Variants in CA8 observed in about 807,000 individuals in gnomAD.
The protein encoded by CA8 is carbonic anhydrase 8 (inactive), also known as carbonic anhydrase-related protein.
In CA8, 22 loss-of-function variants were observed where a neutral mutation model predicts 41.4. The ratio of observed to expected loss-of-function variants is 0.53; its 90% CI spans 0.38 to 0.76. The LOEUF (loss-of-function observed/expected upper bound fraction) is 0.76, where lower values mean the gene tolerates loss of function less well. Ranked by LOEUF, CA8 falls within the 30% of genes least tolerant of loss-of-function variation. The pLI, the probability that CA8 is intolerant of heterozygous loss-of-function variation, is 0.00. For synonymous variants in CA8, 121 were observed against 130.6 expected, an observed-to-expected ratio of 0.93 and a Z score of 0.50; for missense variants, 270 against 352.8, an observed-to-expected ratio of 0.77 and a Z score of 1.88.
chr8:60,280,874 G>A (rs1804396249), intron 1 of CA8, among the ~76,000 whole-genome samples, 174 bp downstream of exon 1: 2 of 152,204 alleles, frequency 1.3e-5, no homozygotes, highest in Admixed American at 6.5e-5. Context: ...CCTCCCTGGA[G>A]CGCCTCCCGC....
intron 7 of CA8, among the ~76,000 whole-genome samples, chr8:60,219,744 C>T (rs1018484616): frequency 6.6e-6 from 1 of 152,028 alleles, no homozygotes; most frequent in Non-Finnish European, 1.5e-5. Flanking sequence ...CTGGCTGGAT[C>T]CCCAAATCCA....
chr8:60,231,752 T>C (rs1807654217), intron 4 of CA8, among the ~76,000 whole-genome samples: 1 of 152,224 alleles, frequency 6.6e-6, no homozygotes, highest in Admixed American at 6.5e-5. Flanking sequence ...TGGGTAAATT[T>C]ATATACTCTT....
chr8:60,239,725 G>T (rs987901993), intron 3 of CA8, among the ~76,000 whole-genome samples: 9 of 152,164 alleles, frequency 5.9e-5, no homozygotes, highest in Non-Finnish European at 1.2e-4. Flanking sequence ...CTCACTTGTT[G>T]TGGGAGGGAT....
intron 8 of CA8, among the ~76,000 whole-genome samples, chr8:60,193,165 C>T (rs910851172): frequency 2.0e-5 from 3 of 151,974 alleles, no homozygotes; most frequent in Non-Finnish European, 2.9e-5. Flanking sequence ...TGATAAATAC[C>T]TTGGGTTTTT....
intron 1 of CA8, among the ~76,000 whole-genome samples, chr8:60,280,127 CATA>C (rs920893994): frequency 2.0e-5 from 3 of 152,048 alleles, no homozygotes; most frequent in African/African-American, 4.8e-5. Context: ...TCAACAAAGA[CATA>C]ATAATTTATG....
At chr8:60,202,541 CTCAAGT>C (rs1806465375) in intron 8 of CA8, among the ~76,000 whole-genome samples, 1 of 152,170 alleles carries the variant, frequency 6.6e-6, no homozygotes, top group Non-Finnish European at 1.5e-5. Context: ...TAGCCTTTAA[CTCAAGT>C]ATAAAATTTA....
chr8:60,191,163 T>A (rs1366702614), intron 8 of CA8, among the ~76,000 whole-genome samples: 1 of 151,926 alleles, frequency 6.6e-6, no homozygotes, highest in Non-Finnish European at 1.5e-5. Context: ...AATTTTTTAA[T>A]CTTTTTAAAT....
intron 3 of CA8, among the ~76,000 whole-genome samples, chr8:60,249,320 G>A (rs1808359985): frequency 6.6e-6 from 1 of 152,136 alleles, no homozygotes; most frequent in African/African-American, 2.4e-5. Context: ...ACCGACAGTG[G>A]CACCACCCTT....
At chr8:60,271,819 A>G (rs1210669749) in intron 2 of CA8, among the ~76,000 whole-genome samples, 1 of 152,194 alleles carries the variant, frequency 6.6e-6, no homozygotes, top group African/African-American at 2.4e-5. Flanking sequence ...GAAATCTGTA[A>G]TTATTTTTTA....
intron 7 of CA8, among the ~76,000 whole-genome samples, chr8:60,222,359 T>C (rs1054348370): frequency 2.0e-5 from 3 of 152,186 alleles, no homozygotes; most frequent in Non-Finnish European, 4.4e-5. Context: ...TCTCCACACC[T>C]GGGGAAATTC....
intron 3 of CA8, among the ~76,000 whole-genome samples, chr8:60,243,451 C>T (rs965139419): frequency 2.1e-5 from 3 of 143,232 alleles, no homozygotes; most frequent in Non-Finnish European, 4.4e-5. Flanking sequence ...AAAAAAATTC[C>T]TGGACCTCAC....
chr8:60,209,434 G>A (rs143145171), intron 7 of CA8, among the ~76,000 whole-genome samples: 81 of 151,986 alleles, frequency 5.3e-4, no homozygotes, highest in African/African-American at 1.9e-3. Flanking sequence ...GCAGTGAGCC[G>A]AGATCACACC....
chr8:60,266,006 C>A lies in CA8; in HGVS notation c.336G>T (p.Leu112=), dbSNP rs1472494493. 3.1e-6 allele frequency: 5 copies of A among 1,613,682 alleles called. No individual in the cohort carries two copies. The South Asian group carries it at 4.4e-5, about 14-fold the overall frequency. ...GPLPQGHEFE[L]YEVRFHWGRE... is the part of the protein sequence containing the mutation. ...TTCCCCAGTGAAATCTCACTTCGTA[C>A]AGTTCAAATTCATGCCCTTGAGGCA... Residue 112 remains leucine, a synonymous_variant, in exon 3 of 9, where the codon CTG becomes CTT. Coordinates refer to ENST00000317995, the MANE Select transcript of CA8 (RefSeq NM_004056.6).
At chr8:60,228,531 G>A (rs1299147667) in intron 4 of CA8, among the ~76,000 whole-genome samples, 1 of 152,194 alleles carries the variant, frequency 6.6e-6, no homozygotes, top group Non-Finnish European at 1.5e-5. Context: ...TCAGGAACAG[G>A]CTCACTTTGC....
intron 4 of CA8, among the ~76,000 whole-genome samples, chr8:60,228,614 C>A (rs927277109): frequency 6.6e-6 from 1 of 152,208 alleles, no homozygotes; most frequent in Non-Finnish European, 1.5e-5. Flanking sequence ...TGTAGTTAAC[C>A]TCTACATCCT....
At chr8:60,219,448 GC>G (rs1807158224) in intron 7 of CA8, among the ~76,000 whole-genome samples, 1 of 152,110 alleles carries the variant, frequency 6.6e-6, no homozygotes, top group Admixed American at 6.5e-5. Context: ...GAGCCACCGC[GC>G]CCGGCCTATT....
At chr8:60,228,938 G>T (rs368853484) in intron 4 of CA8, among the ~76,000 whole-genome samples, 3 of 152,200 alleles carry the variant, frequency 2.0e-5, no homozygotes, top group African/African-American at 7.2e-5. Context: ...ATGAAGAAAT[G>T]ATGACCAGCA....
intron 6 of CA8, among the ~76,000 whole-genome samples, chr8:60,223,270 G>A (rs1807310838): frequency 6.6e-6 from 1 of 152,030 alleles, no homozygotes; most frequent in Admixed American, 6.5e-5. Flanking sequence ...TCAAATTCAG[G>A]CAATCTGGCT....
At chr8:60,199,614 C>G (rs1024591423) in intron 8 of CA8, among the ~76,000 whole-genome samples, 3 of 152,118 alleles carry the variant, frequency 2.0e-5, no homozygotes, top group African/African-American at 2.4e-5. Flanking sequence ...TAATTTATTA[C>G]CTGGTGCTAC....
Sources: allele counts gnomAD v4.1 joint callset (sites outside exome capture counted in the v4.1 genomes callset), GRCh38; gene constraint gnomAD v4.1.1; transcripts MANE v1.5; gene names NCBI Gene and HGNC (gene_info 2026-07-23, HGNC 2026-07-21).